Variants in CYRIA observed in about 807,000 individuals in gnomAD.
The protein encoded by CYRIA is CYFIP-related Rac1 interactor A.
Under a neutral mutation model 43.9 loss-of-function variants are expected in CYRIA, and 15 were observed. The ratio of observed to expected loss-of-function variants is 0.34; its 90% CI spans 0.23 to 0.53. The LOEUF is 0.53. Among genes scored for constraint, CYRIA ranks in the 20% least tolerant of loss-of-function variants. The pLI, the probability that CYRIA is intolerant of heterozygous loss-of-function variation, is 0.94. For missense variants in CYRIA, 236 were observed against 394.2 expected, an observed-to-expected ratio of 0.60 and a Z score of 3.40; for synonymous variants, 117 against 136.0, an observed-to-expected ratio of 0.86 and a Z score of 0.97.
intron 2 of CYRIA, among the ~76,000 whole-genome samples, chr2:16,613,808 G>A (rs1167940689): frequency 6.6e-6 from 1 of 152,246 alleles, no homozygotes; most frequent in East Asian, 1.9e-4. Flanking sequence ...TAAACTCACA[G>A]TTGTAGTAGC....
chr2:16,579,223 T>C (rs1011214892), intron 3 of CYRIA, among the ~76,000 whole-genome samples: 1 of 152,130 alleles, frequency 6.6e-6, no homozygotes, highest in Non-Finnish European at 1.5e-5. Context: ...TAGATAGCAA[T>C]ATATTTAGAC....
intron 1 of CYRIA, among the ~76,000 whole-genome samples, chr2:16,649,674 A>G (rs531920977): frequency 2.6e-5 from 4 of 151,822 alleles, no homozygotes; most frequent in Non-Finnish European, 4.4e-5. Context: ...GGGAACAGTT[A>G]CAGTACAGGA....
Position 16,636,901 on chromosome 2 carries a change from G to A in CYRIA, c.-166-12882C>T, listed in dbSNP as rs1280109162. The stretch of plus-strand genomic sequence containing the variant: ...TGAGGTGGCAGAATCACCTGAGCCT[G>A]GGAAGTTGAGGCTGCAGTGAGCCAT... On this transcript the variant is annotated intron_variant, in intron 1 of 11. Coordinates refer to ENST00000381323, the MANE Select transcript of CYRIA (RefSeq NM_030797.4). Among the ~76,000 whole-genome samples, 6 of 152,182 alleles carry A rather than the reference G, an allele frequency of 3.9e-5. No homozygotes were observed. The East Asian group carries it at 7.7e-4, about 20-fold the overall frequency.
At chr2:16,624,134 G>A (rs1164381025) in intron 1 of CYRIA, 115 bp from the exon 2 acceptor site, 1 of 152,228 alleles carries the variant, frequency 6.6e-6, no homozygotes, top group Non-Finnish European at 1.5e-5. Flanking sequence ...TATCAGGCCT[G>A]AAGGACATCT....
chr2:16,605,870 C>T lies in CYRIA; in HGVS notation c.-10-17741G>A, dbSNP rs116009252. ...GTAGGTGAAGGCTTGTCATGGGCAC[C>T]GCTGAGCAACTTCTCCTTGCTGAGA... On this transcript the variant is annotated intron_variant, in intron 2 of 11. Transcript: ENST00000381323. Among the ~76,000 whole-genome samples the T allele has an allele frequency of 3.8e-3, 579 of 152,258 alleles. 6 individuals are homozygous for T. The highest frequency in any genetic ancestry group is 0.013 in the African/African-American group (545 of 41,554).
At chr2:16,556,908 G>A (rs1419762326) in intron 10 of CYRIA, among the ~76,000 whole-genome samples, 3 of 152,072 alleles carry the variant, frequency 2.0e-5, no homozygotes, top group African/African-American at 7.2e-5. Flanking sequence ...GACACTGGTT[G>A]GAGGACGATG....
intron 2 of CYRIA, among the ~76,000 whole-genome samples, chr2:16,589,989 T>C (rs1667864661): frequency 6.6e-6 from 1 of 151,984 alleles, no homozygotes; most frequent in African/African-American, 2.4e-5. Flanking sequence ...AAATGAATTA[T>C]GTGTGGGGCA....
intron 10 of CYRIA, among the ~76,000 whole-genome samples, chr2:16,559,241 A>G (rs1212165505): frequency 6.6e-6 from 1 of 152,174 alleles, no homozygotes; most frequent in Non-Finnish European, 1.5e-5. Flanking sequence ...GGGGATCAGC[A>G]TCATAACATT....
chr2:16,562,767 G>A (rs1260882906), intron 5 of CYRIA, among the ~76,000 whole-genome samples: 1 of 152,106 alleles, frequency 6.6e-6, no homozygotes, highest in East Asian at 1.9e-4. Context: ...GGATTGGCAA[G>A]GTATGACCCA....
intron 3 of CYRIA, among the ~76,000 whole-genome samples, chr2:16,585,738 A>G (rs1217285150): frequency 6.6e-6 from 1 of 152,148 alleles, no homozygotes. Context: ...AAATATTCAA[A>G]GTACCAGACT....
chr2:16,565,471 C>T (rs1666895546), intron 4 of CYRIA, among the ~76,000 whole-genome samples, 175 bp downstream of exon 4: 1 of 152,194 alleles, frequency 6.6e-6, no homozygotes, highest in Non-Finnish European at 1.5e-5. Flanking sequence ...TAGGCGTGAG[C>T]CACCGCAGCC....
intron 2 of CYRIA, among the ~76,000 whole-genome samples, chr2:16,614,353 A>T (rs1332202636): frequency 1.3e-5 from 2 of 152,248 alleles, no homozygotes; most frequent in Admixed American, 1.3e-4. Flanking sequence ...TTGATAAGCC[A>T]AGACCACAAT....
intron 2 of CYRIA, among the ~76,000 whole-genome samples, chr2:16,603,015 C>T (rs1668262057): frequency 1.3e-5 from 2 of 152,208 alleles, no homozygotes; most frequent in South Asian, 4.2e-4. Context: ...TCTTGTCTCC[C>T]TTCTACTCAT....
chr2:16,574,031 G>T (rs1300375460), intron 3 of CYRIA, among the ~76,000 whole-genome samples: 1 of 152,160 alleles, frequency 6.6e-6, no homozygotes, highest in Non-Finnish European at 1.5e-5. Flanking sequence ...GAAAAGTTTA[G>T]AACTCCCTAG....
chr2:16,622,491 G>C (rs942840928), intron 2 of CYRIA, among the ~76,000 whole-genome samples: 4 of 152,178 alleles, frequency 2.6e-5, no homozygotes, highest in Non-Finnish European at 4.4e-5. Flanking sequence ...TGGGATCAAA[G>C]CTATATTCAA....
chr2:16,635,327 T>C (rs1301320336), intron 1 of CYRIA, among the ~76,000 whole-genome samples: 1 of 152,146 alleles, frequency 6.6e-6, no homozygotes, highest in Admixed American at 6.5e-5. Flanking sequence ...TGAAATACCT[T>C]GAACACATCA....
intron 3 of CYRIA, among the ~76,000 whole-genome samples, chr2:16,573,799 C>T (rs1667226459): frequency 6.6e-6 from 1 of 152,190 alleles, no homozygotes; most frequent in Non-Finnish European, 1.5e-5. Context: ...GCCTCTCTAG[C>T]CATGTGGAAC....
At chr2:16,657,637 T>C (rs377303037) in intron 1 of CYRIA, among the ~76,000 whole-genome samples, 2 of 152,230 alleles carry the variant, frequency 1.3e-5, no homozygotes, top group Non-Finnish European at 2.9e-5. Flanking sequence ...GATATTCACT[T>C]GTGTCATCTG....
chr2:16,600,583 C>T (rs184233686), intron 2 of CYRIA, among the ~76,000 whole-genome samples: 37 of 152,196 alleles, frequency 2.4e-4, no homozygotes, highest in East Asian at 1.2e-3. Flanking sequence ...TCTAGAAGCA[C>T]GTATCACATT....
Sources: gnomAD v4.1 joint callset for allele counts (sites outside exome capture counted in the v4.1 genomes callset) on GRCh38, gnomAD v4.1.1 for gene constraint, MANE v1.5 for transcripts, NCBI Gene and HGNC (gene_info 2026-07-23, HGNC 2026-07-21) for gene names.